RBFOX1: variants seen among roughly 807,000 people sequenced by gnomAD.
RBFOX1 encodes RNA binding protein fox-1 homolog 1.
RBFOX1 carries 8 observed loss-of-function variants against 57.7 expected under a neutral mutation model. That is an observed-to-expected ratio of 0.14 (90% CI 0.08 to 0.25). The LOEUF (loss-of-function observed/expected upper bound fraction) is 0.25. Among genes scored for constraint, RBFOX1 ranks in the 10% least tolerant of loss-of-function variants. The pLI, the probability that RBFOX1 is intolerant of heterozygous loss-of-function variation, is 1.00. For missense variants in RBFOX1, 611 were observed against 548.5 expected (o/e 1.11, Z -1.14); for synonymous variants, 326 against 222.4 (o/e 1.47, Z -4.15).
chr16:7,321,077 G>GTATACATATACATATACATATACA (rs368597309), intron 4 of RBFOX1, among the ~76,000 whole-genome samples: 16,301 of 142,434 alleles, frequency 0.11, 1,278 homozygotes, highest in Non-Finnish European at 0.15. Context: ...CTATCTATAC[G>GTATACATATACATATACATATACA]TATACATATA....
chr16:5,859,917 G>C (rs1369187156), intron 3 of RBFOX1, among the ~76,000 whole-genome samples: 1 of 152,180 alleles, frequency 6.6e-6, no homozygotes, highest in Non-Finnish European at 1.5e-5. Context: ...AAATTCAGTT[G>C]ACTGGCACAT....
chr16:6,576,240 A>G (rs1409912876), intron 2 of RBFOX1, among the ~76,000 whole-genome samples: 2 of 152,198 alleles, frequency 1.3e-5, no homozygotes, highest in Non-Finnish European at 1.5e-5. Context: ...CTCAGGGCAC[A>G]AGGCAGGGAC....
chr16:5,604,574 A>G (rs1257850655), downstream of RBFOX1, among the ~76,000 whole-genome samples: 1 of 152,104 alleles, frequency 6.6e-6, no homozygotes, highest in Non-Finnish European at 1.5e-5. Context: ...TTGTGTACAC[A>G]TGTCCCAACA....
chr16:5,280,536 T>C (rs1400347743), intron 1 of RBFOX1, among the ~76,000 whole-genome samples: 1 of 152,198 alleles, frequency 6.6e-6, no homozygotes, highest in Non-Finnish European at 1.5e-5. Context: ...ATAAATTGGG[T>C]AGACATCAGC....
chr16:7,415,085 A>G (rs2098465595), intron 4 of RBFOX1, among the ~76,000 whole-genome samples: 1 of 152,198 alleles, frequency 6.6e-6, no homozygotes, highest in Non-Finnish European at 1.5e-5. Context: ...CTTCATTTCC[A>G]AAGTCATTAG....
intron 2 of RBFOX1, among the ~76,000 whole-genome samples, chr16:6,346,620 G>A (rs781211703): frequency 5.9e-5 from 9 of 152,210 alleles, no homozygotes; most frequent in Non-Finnish European, 1.3e-4. Context: ...TCCGATGGCA[G>A]CCTGATTCTC....
At chr16:7,540,314 A>G (rs1010182111) in intron 5 of RBFOX1, among the ~76,000 whole-genome samples, 4 of 152,146 alleles carry the variant, frequency 2.6e-5, no homozygotes, top group Non-Finnish European at 1.5e-5. Flanking sequence ...GGTACCTGAA[A>G]ATAATGCAAT....
chr16:5,800,379 G>T (rs1344442429), intron 3 of RBFOX1, among the ~76,000 whole-genome samples: 1 of 152,152 alleles, frequency 6.6e-6, no homozygotes, highest in Non-Finnish European at 1.5e-5. Context: ...AACCAGGGTG[G>T]GACATCCTGT....
At chr16:7,667,312 G>A (rs1450839417) in intron 13 of RBFOX1, among the ~76,000 whole-genome samples, 1 of 152,134 alleles carries the variant, frequency 6.6e-6, no homozygotes, top group Non-Finnish European at 1.5e-5. Flanking sequence ...CAGAACAAGA[G>A]GTCTTTGATG....
intron 1 of RBFOX1, among the ~76,000 whole-genome samples, chr16:6,096,651 G>A (rs1321590427): frequency 6.6e-6 from 1 of 152,110 alleles, no homozygotes; most frequent in Admixed American, 6.5e-5. Context: ...TGATACAGTG[G>A]CATCAATCTT....
At chr16:5,823,135 C>G (rs1488894894) in intron 3 of RBFOX1, among the ~76,000 whole-genome samples, 2 of 152,188 alleles carry the variant, frequency 1.3e-5, no homozygotes, top group Non-Finnish European at 2.9e-5. Flanking sequence ...TTGCCTTACC[C>G]TGAGGATCCT....
chr16:6,591,856 T>C (rs2097715797), intron 2 of RBFOX1, among the ~76,000 whole-genome samples: 1 of 152,188 alleles, frequency 6.6e-6, no homozygotes, highest in African/African-American at 2.4e-5. Context: ...GGAACCCTTT[T>C]GAAAGAATTT....
chr16:5,795,188 G>C lies in RBFOX1; in HGVS notation c.319-72115G>C, dbSNP rs543727042. Among the ~76,000 whole-genome samples the C allele has an allele frequency of 5.3e-5, 8 of 152,254 alleles. 1 individual carries two copies. In the East Asian group the frequency reaches 9.6e-4, roughly 18 times the overall value. On this transcript the variant is annotated intron_variant, in intron 3 of 19. Coordinates refer to the RBFOX1 transcript ENST00000641259. ...GAAAGGCCTAACCCATAAATGTCAA[G>C]AAATGATTCTACGTCAGTTTCATAT...
intron 1 of RBFOX1, among the ~76,000 whole-genome samples, chr16:6,066,002 T>A (rs979757109): frequency 2.1e-4 from 32 of 152,152 alleles, no homozygotes; most frequent in African/African-American, 7.5e-4. Flanking sequence ...TTCAACACTT[T>A]AATGGTAGTA....
At chr16:5,434,356 A>T (rs935531529) in intron 1 of RBFOX1, among the ~76,000 whole-genome samples, 2 of 91,878 alleles carry the variant, frequency 2.2e-5, no homozygotes, top group Admixed American at 1.7e-4. Context: ...GGGTCTTACT[A>T]TGTTACCCAG....
At chr16:7,240,253 C>T (rs571027770) in intron 4 of RBFOX1, among the ~76,000 whole-genome samples, 2 of 152,164 alleles carry the variant, frequency 1.3e-5, no homozygotes, top group South Asian at 4.2e-4. Context: ...AGGTATGAGC[C>T]GATGCATCCT....
intron 1 of RBFOX1, among the ~76,000 whole-genome samples, chr16:6,072,819 C>T (rs112999742): frequency 6.6e-6 from 1 of 152,116 alleles, no homozygotes; most frequent in East Asian, 1.9e-4. Flanking sequence ...TAAACACCCT[C>T]TACCCCACTC....
At chr16:6,573,305 C>G (rs1469213060) in intron 2 of RBFOX1, among the ~76,000 whole-genome samples, 3 of 152,142 alleles carry the variant, frequency 2.0e-5, no homozygotes, top group African/African-American at 7.2e-5. Flanking sequence ...ACGCCATACC[C>G]TCCCCTAGAA....
At chr16:6,965,526 A>ATG (rs1411872254) in intron 3 of RBFOX1, among the ~76,000 whole-genome samples, 1 of 152,070 alleles carries the variant, frequency 6.6e-6, no homozygotes, top group East Asian at 1.9e-4. Flanking sequence ...TAGTAGAGGC[A>ATG]GGGTTTCACC....
Sources: allele counts gnomAD v4.1 joint callset (sites outside exome capture counted in the v4.1 genomes callset), GRCh38; gene constraint gnomAD v4.1.1; transcripts MANE v1.5; gene names NCBI Gene and HGNC (gene_info 2026-07-23, HGNC 2026-07-21).